ARID1B: variants seen among roughly 807,000 people sequenced by gnomAD.
The protein encoded by ARID1B is AT-rich interactive domain-containing protein 1B.
ARID1B carries 30 observed loss-of-function variants against 212.3 expected under a neutral mutation model. That is an observed-to-expected ratio of 0.14 (90% CI 0.11 to 0.19). ARID1B has a LOEUF of 0.19. Among genes scored for constraint, ARID1B ranks in the 10% least tolerant of loss-of-function variants. The pLI, the probability that ARID1B is intolerant of heterozygous loss-of-function variation, is 1.00. For synonymous variants in ARID1B, 1,402 were observed against 1,301.7 expected, an observed-to-expected ratio of 1.08 and a Z score of -1.66; for missense variants, 2,891 against 3,204.0, an observed-to-expected ratio of 0.90 and a Z score of 2.36.
intron 8 of ARID1B, among the ~76,000 whole-genome samples, chr6:157,164,204 A>C (rs1230756672): frequency 6.6e-6 from 1 of 152,220 alleles, no homozygotes; most frequent in African/African-American, 2.4e-5. Flanking sequence ...TGGCTTTTTA[A>C]CCAAACTTTT....
rs1365616695 is a variant in ARID1B at position 157,160,825 on chromosome 6, T to G, written c.3090-6215T>G. ...TTTCTCTTCTCCTTACCTGGTTAATTCCAGTGGATTGATCCCTCAGATCTG... is the reference window on the plus strand; with the variant it reads ...TTTCTCTTCTCCTTACCTGGTTAATGCCAGTGGATTGATCCCTCAGATCTG... On this transcript the variant is annotated intron_variant, in intron 8 of 19. Transcript: ENST00000636930. 2.6e-5 allele frequency among the ~76,000 whole-genome samples: 4 copies of G among 152,208 alleles called. No individual in the cohort carries two copies. The East Asian group carries it at 7.7e-4, about 29-fold the overall frequency.
chr6:157,077,545 C>G (rs1232563298), intron 4 of ARID1B, among the ~76,000 whole-genome samples: 1 of 152,144 alleles, frequency 6.6e-6, no homozygotes, highest in Non-Finnish European at 1.5e-5. Context: ...GTGGATTGTC[C>G]CCTCTGCTTC....
rs1268735872 is a variant in ARID1B, at chr6:156,777,997, C to A, written c.317C>A (p.Ala106Glu). The change falls in exon 1 of 20, where the codon GCG becomes GAG. Residue 106 changes from alanine (A) to glutamate (E), a missense_variant. Around this residue, in one of 7 missense-constraint regions of ARID1B, gnomAD observed 1,643 missense variants for 1,544.0 expected, o/e 1.06. Transcript: ENST00000636930. ...AGCGCCAAGAGCGGCGGCTCCGAGG[C>A]GGCTCTCAAGGAGGGTGGAAGCGCC... is the stretch of plus-strand genomic sequence containing the variant. ...THSAKSGGSE[A>E]ALKEGGSAAA... 1.3e-5 allele frequency: 20 copies of A among 1,531,250 alleles called. No individual in the cohort carries two copies. The Admixed American group carries it at 3.0e-4, about 23-fold the overall frequency. The allele number at this position is 1,531,250 out of a possible 1,614,324, so 94.9% of individuals were successfully genotyped here. A position where few individuals can be genotyped will look rare whatever the true frequency, so the allele number is the denominator to read the frequency against.
chr6:156,861,878 T>G (rs374995385), intron 2 of ARID1B, among the ~76,000 whole-genome samples: 25 of 152,078 alleles, frequency 1.6e-4, no homozygotes, highest in African/African-American at 5.1e-4. Flanking sequence ...CTGTAGACCT[T>G]GAGATGTGCA....
At chr6:156,983,651 G>A (rs1777752824) in intron 4 of ARID1B, among the ~76,000 whole-genome samples, 1 of 152,114 alleles carries the variant, frequency 6.6e-6, no homozygotes, top group Admixed American at 6.5e-5. Context: ...GGGCTGAGGG[G>A]CTTAGGGTCT....
chr6:156,951,808 A>T (rs1050611552), intron 4 of ARID1B, among the ~76,000 whole-genome samples: 31 of 152,324 alleles, frequency 2.0e-4, no homozygotes, highest in African/African-American at 6.7e-4. Flanking sequence ...GAAATACTTT[A>T]TAAAGGAATA....
Position 157,174,094 on chromosome 6 carries a change from C to T in ARID1B, c.3322C>T (p.Pro1108Ser). ...LKADGKEEGT[P>S]QPESKSKDSY... The stretch of plus-strand genomic sequence containing the variant: ...AGCAGACGGCAAAGAAGAAGGCACT[C>T]CACAGCCCGAGAGCAAGTCAAAGGT... The change falls in exon 10 of 20, where the codon CCA becomes TCA. Residue 1108 changes from proline to serine, a missense_variant. Pro to Ser is a moderately conservative substitution (Grantham distance 74, BLOSUM62 -1). Coordinates refer to ENST00000636930, the MANE Select transcript of ARID1B (RefSeq NM_001374828.1). The T allele has an allele frequency of 1.2e-6, 2 of 1,614,196 alleles. 1 individual carries two copies. The highest frequency in any genetic ancestry group is 3.3e-4 in the Middle Eastern group (2 of 6,062).
At chr6:157,032,540 T>C (rs886921761) in intron 4 of ARID1B, among the ~76,000 whole-genome samples, 12 of 152,192 alleles carry the variant, frequency 7.9e-5, no homozygotes, top group African/African-American at 2.7e-4. Context: ...CATTCTTAGC[T>C]ACAGGCCCAC....
At chr6:156,851,002 G>C (rs1784547174) in intron 2 of ARID1B, among the ~76,000 whole-genome samples, 1 of 152,180 alleles carries the variant, frequency 6.6e-6, no homozygotes, top group African/African-American at 2.4e-5. Flanking sequence ...TTGCGTATTT[G>C]TCCCGTATTT....
At chr6:157,100,924 G>A (rs575485924) in intron 5 of ARID1B, among the ~76,000 whole-genome samples, 1 of 152,352 alleles carries the variant, frequency 6.6e-6, no homozygotes, top group Admixed American at 6.5e-5. Context: ...AGAAGTTATA[G>A]TGTAATTACT....
intron 2 of ARID1B, among the ~76,000 whole-genome samples, chr6:156,886,323 G>C (rs372023622): frequency 2.6e-5 from 4 of 152,304 alleles, no homozygotes; most frequent in African/African-American, 9.6e-5. Flanking sequence ...CTCTGGAGTA[G>C]CTGGGATTCC....
chr6:157,089,312 C>G (rs1448356895), intron 5 of ARID1B, among the ~76,000 whole-genome samples: 3 of 151,200 alleles, frequency 2.0e-5, no homozygotes, highest in Non-Finnish European at 3.0e-5. Flanking sequence ...ATGGCTGATT[C>G]TGTTTCTTGC....
intron 8 of ARID1B, chr6:157,151,254 T>C (rs1342191395): frequency 6.6e-6 from 1 of 152,204 alleles, no homozygotes. Flanking sequence ...AGCGCTGTTC[T>C]CATGACTATA....
At chr6:156,850,079 C>G (rs546305919) in intron 2 of ARID1B, among the ~76,000 whole-genome samples, 1 of 149,576 alleles carries the variant, frequency 6.7e-6, no homozygotes, top group East Asian at 1.9e-4. Context: ...CGCCCAGCCC[C>G]GGGAGAGCAT....
intron 3 of ARID1B, among the ~76,000 whole-genome samples, chr6:156,932,952 T>G (rs1384553079): frequency 6.6e-6 from 1 of 152,244 alleles, no homozygotes; most frequent in Non-Finnish European, 1.5e-5. Flanking sequence ...GAATAGTATT[T>G]GAGATTTTGG....
At chr6:157,050,810 A>G (rs1203120635) in intron 4 of ARID1B, among the ~76,000 whole-genome samples, 2 of 152,226 alleles carry the variant, frequency 1.3e-5, no homozygotes, top group African/African-American at 2.4e-5. Flanking sequence ...ATGTAATAGT[A>G]TGTGCAAACA....
intron 6 of ARID1B, among the ~76,000 whole-genome samples, chr6:157,131,522 G>A (rs769198069): frequency 6.6e-6 from 1 of 152,074 alleles, no homozygotes; most frequent in Non-Finnish European, 1.5e-5. Context: ...GAAGGAGCAC[G>A]ATGTTGTCTT....
intron 7 of ARID1B, among the ~76,000 whole-genome samples, chr6:157,136,774 A>G (rs1011412371): frequency 6.6e-5 from 10 of 152,140 alleles, no homozygotes; most frequent in African/African-American, 2.4e-4. Flanking sequence ...AGGCACAAGA[A>G]TCGCTTGAAC....
intron 7 of ARID1B, among the ~76,000 whole-genome samples, chr6:157,146,239 A>T (rs906372616): frequency 5.3e-5 from 8 of 152,296 alleles, no homozygotes; most frequent in Admixed American, 5.2e-4. Flanking sequence ...TGGCACCAAC[A>T]ATTTTGATAC....
Sources: gnomAD v4.1 joint callset for allele counts (sites outside exome capture counted in the v4.1 genomes callset) on GRCh38, gnomAD v4.1.1 for gene constraint, gnomAD v4.1.1 regional missense constraint, MANE v1.5 for transcripts, NCBI Gene and HGNC (gene_info 2026-07-23, HGNC 2026-07-21) for gene names.